Variants in NALF1 observed in about 807,000 individuals in gnomAD.
The protein encoded by NALF1 is family with sequence similarity 155 member A.
NALF1 carries 3 observed loss-of-function variants against 48.4 expected under a neutral mutation model. The ratio of observed to expected loss-of-function variants is 0.06; its 90% confidence interval spans 0.03 to 0.16. NALF1 has a LOEUF of 0.16. NALF1 is among the 10% of genes least tolerant of loss of function. The pLI, the probability that NALF1 is intolerant of heterozygous loss-of-function variation, is 1.00. For synonymous variants in NALF1, 262 were observed against 245.7 expected (o/e 1.07, Z -0.62); for missense variants, 526 against 571.5 (o/e 0.92, Z 0.81).
chr13:107,341,880 A>AACACACACAC (rs57041785), intron 1 of NALF1, among the ~76,000 whole-genome samples: 218 of 146,796 alleles, frequency 1.5e-3, no homozygotes, highest in East Asian at 0.012. Flanking sequence ...TGCACATGCA[A>AACACACACAC]ACACACACAC....
At chr13:107,356,662 G>A (rs936118174) in intron 1 of NALF1, among the ~76,000 whole-genome samples, 3 of 152,134 alleles carry the variant, frequency 2.0e-5, no homozygotes, top group Non-Finnish European at 4.4e-5. Context: ...CCCTTCACCA[G>A]AGCAAAGTTT....
chr13:107,286,536 C>CA (rs1881495619), intron 1 of NALF1, among the ~76,000 whole-genome samples: 1 of 142,844 alleles, frequency 7.0e-6, no homozygotes, highest in South Asian at 2.2e-4. Flanking sequence ...ACTCAGGAGT[C>CA]TGAGGTGGGA....
At chr13:107,544,534 TA>T (rs1877083758) in intron 1 of NALF1, among the ~76,000 whole-genome samples, 1 of 152,182 alleles carries the variant, frequency 6.6e-6, no homozygotes, top group Non-Finnish European at 1.5e-5. Context: ...TAGTTCCATC[TA>T]AACCATTTTT....
At chr13:107,228,771 C>T (rs547758622) in intron 1 of NALF1, among the ~76,000 whole-genome samples, 5 of 152,274 alleles carry the variant, frequency 3.3e-5, no homozygotes, top group Admixed American at 2.0e-4. Context: ...CAGGCATGCG[C>T]CACCACACCC....
chr13:107,678,599 GC>G (rs1017156265), intron 1 of NALF1, among the ~76,000 whole-genome samples: 21 of 152,190 alleles, frequency 1.4e-4, no homozygotes, highest in African/African-American at 5.1e-4. Flanking sequence ...ATAAAGAACT[GC>G]CCCAGACTGG....
intron 1 of NALF1, among the ~76,000 whole-genome samples, chr13:107,813,173 GT>G (rs1879051677): frequency 6.6e-6 from 1 of 152,150 alleles, no homozygotes; most frequent in South Asian, 2.1e-4. Flanking sequence ...TTCATAAATT[GT>G]GAGTTACTGA....
chr13:107,304,114 T>A (rs983348662), intron 1 of NALF1, among the ~76,000 whole-genome samples: 1 of 152,196 alleles, frequency 6.6e-6, no homozygotes. Flanking sequence ...AATTTGGTTA[T>A]ATTAATATAC....
intron 1 of NALF1, among the ~76,000 whole-genome samples, chr13:107,568,202 A>T (rs1423676007): frequency 1.3e-5 from 2 of 152,136 alleles, no homozygotes; most frequent in African/African-American, 2.4e-5. Context: ...GCTGGTCTCT[A>T]GCTCCTGGGC....
chr13:107,474,634 T>C (rs1427276700), intron 1 of NALF1, among the ~76,000 whole-genome samples: 1 of 152,204 alleles, frequency 6.6e-6, no homozygotes, highest in East Asian at 1.9e-4. Context: ...AGGTGTTTAT[T>C]GTGTTATTCA....
rs529096089 is a variant in NALF1 at position 107,738,761 on chromosome 13, G to A, written c.915+126921C>T. 1.2e-4 allele frequency among the ~76,000 whole-genome samples: 19 copies of A among 152,130 alleles called. 1 individual carries two copies. The East Asian group carries it at 3.5e-3, about 28-fold the overall frequency. On this transcript the variant is annotated intron_variant, in intron 1 of 2. Transcript: ENST00000375915. ...GGCTCACTGCAACCTCTGCCTCCTG[G>A]GGTCAAGTGATTCTGCCTCAGCCTC... is the stretch of plus-strand genomic sequence containing the variant.
intron 1 of NALF1, among the ~76,000 whole-genome samples, chr13:107,530,926 A>G (rs1055265792): frequency 6.6e-6 from 1 of 152,086 alleles, no homozygotes; most frequent in East Asian, 1.9e-4. Flanking sequence ...TTTTATTGTG[A>G]TTTTTAGTGG....
chr13:107,621,803 AC>A (rs2138441124), intron 1 of NALF1, among the ~76,000 whole-genome samples: 1 of 152,272 alleles, frequency 6.6e-6, no homozygotes, highest in East Asian at 1.9e-4. Context: ...CCTTCTGATC[AC>A]AGCTGAGGCC....
chr13:107,657,680 C>G (rs1430453139), intron 1 of NALF1, among the ~76,000 whole-genome samples: 1 of 152,148 alleles, frequency 6.6e-6, no homozygotes, highest in Non-Finnish European at 1.5e-5. Flanking sequence ...GACATGTGCT[C>G]TTACACAAAA....
intron 1 of NALF1, among the ~76,000 whole-genome samples, chr13:107,761,232 C>T (rs1877254470): frequency 6.6e-6 from 1 of 152,110 alleles, no homozygotes; most frequent in Admixed American, 6.6e-5. Context: ...TGGCAGGCGC[C>T]TGTAGTTCCA....
intron 1 of NALF1, among the ~76,000 whole-genome samples, chr13:107,437,612 T>C (rs368179558): frequency 1.3e-5 from 2 of 152,134 alleles, no homozygotes; most frequent in Admixed American, 6.6e-5. Context: ...TCAAAAACTT[T>C]ACAGAAGAAT....
At chr13:107,459,046 A>G (rs1884873502) in intron 1 of NALF1, among the ~76,000 whole-genome samples, 1 of 152,166 alleles carries the variant, frequency 6.6e-6, no homozygotes, top group Non-Finnish European at 1.5e-5. Context: ...AGGAATTAAA[A>G]AAAAAAGGTA....
At chr13:107,774,079 C>A (rs1877656849) in intron 1 of NALF1, among the ~76,000 whole-genome samples, 1 of 152,032 alleles carries the variant, frequency 6.6e-6, no homozygotes, top group Admixed American at 6.6e-5. Context: ...AGAAATTGAG[C>A]TAGAAATTGT....
At chr13:107,308,002 C>T (rs1000724999) in intron 1 of NALF1, among the ~76,000 whole-genome samples, 3 of 152,016 alleles carry the variant, frequency 2.0e-5, no homozygotes, top group Non-Finnish European at 4.4e-5. Flanking sequence ...GGCATTAACG[C>T]TGTCATGATT....
intron 1 of NALF1, among the ~76,000 whole-genome samples, chr13:107,571,206 CATA>C (rs962331279): frequency 1.4e-4 from 21 of 151,988 alleles, no homozygotes; most frequent in African/African-American, 4.8e-5. Flanking sequence ...TTTTTTAATT[CATA>C]ATAACTCCTT....
Sources: gnomAD v4.1 joint callset for allele counts (sites outside exome capture counted in the v4.1 genomes callset) on GRCh38, gnomAD v4.1.1 for gene constraint, MANE v1.5 for transcripts, NCBI Gene and HGNC (gene_info 2026-07-23, HGNC 2026-07-21) for gene names.